The following HCFC1 variants were observed in gnomAD, a reference collection of about 807,000 sequenced individuals.
The protein encoded by HCFC1 is host cell factor 1.
HCFC1 carries 7 observed loss-of-function variants against 105.5 expected under a neutral mutation model. That is an observed-to-expected ratio of 0.07 (90% CI 0.04 to 0.12). The LOEUF is 0.12. Ranked by LOEUF, HCFC1 falls within the 10% of genes least tolerant of loss-of-function variation. The pLI, the probability that HCFC1 is intolerant of heterozygous loss-of-function variation, is 1.00. For missense variants in HCFC1, 1,065 were observed against 1,823.6 expected (o/e 0.58, Z 7.58); for synonymous variants, 918 against 828.1 (o/e 1.11, Z -1.86).
intron 24 of HCFC1, among the ~76,000 whole-genome samples, chrX:153,949,991 T>C (rs1384051278): frequency 9.0e-6 from 1 of 111,536 alleles, no homozygotes; most frequent in African/African-American, 3.3e-5. Flanking sequence ...CCTGGAAACC[T>C]ACACTTTCCC....
chrX:153,964,913 A>G (rs983913780), intron 1 of HCFC1, among the ~76,000 whole-genome samples, 187 bp from the exon 2 acceptor site: 2 of 112,220 alleles, frequency 1.8e-5, no homozygotes, highest in Non-Finnish European at 3.8e-5. Context: ...CCAGTGCAAA[A>G]GAGCCTGTGA....
At position 153,954,258 on chromosome X, in the gene HCFC1, T is replaced by C. The variant is rs1557113614; in HGVS notation, c.4141A>G (p.Thr1381Ala). The C allele has an allele frequency of 4.2e-6, 5 of 1,204,458 alleles. No individual in the cohort carries two copies. Among genetic ancestry groups the C allele is most frequent in the African/African-American group, 3.5e-5 (2 of 57,718 alleles). Residue 1381 changes from threonine (T) to alanine (A), a missense_variant, in exon 17 of 26, where the codon ACT (threonine) becomes GCT (alanine). This residue lies in a region of HCFC1 where 546 missense variants were observed against 599.9 expected (regional missense o/e 0.91). Transcript: ENST00000310441. ...VSVGALLPDA[T>A]SSHRTVESGL... ...GACTCCACGGTCCTGTGGGAAGAAGTGGCGTCGGGAAGCAGGGCACCCACG... is the reference window on the plus strand; with the variant it reads ...GACTCCACGGTCCTGTGGGAAGAAGCGGCGTCGGGAAGCAGGGCACCCACG...
Position 153,958,166 on chromosome X carries a change from G to A in HCFC1, c.1887C>T (p.Thr629=). The change falls in exon 11 of 26, where the codon ACC becomes ACT. Residue 629 remains threonine, a synonymous_variant. Coordinates refer to ENST00000310441, the MANE Select transcript of HCFC1 (RefSeq NM_005334.3). ...ACTTGTGCACTGTGATGATAGGGCG[G>A]GTAGACGTGTTGGTGGCGGAGGAAA... ...TSVSSATNTS[T]RPIITVHKSG... The A allele has an allele frequency of 4.1e-6, 5 of 1,211,833 alleles. No homozygotes were observed. In the South Asian group the frequency reaches 8.8e-5, roughly 21 times the overall value.
intron 1 of HCFC1, among the ~76,000 whole-genome samples, chrX:153,967,821 T>C (rs149005339): frequency 4.7e-4 from 53 of 111,625 alleles, no homozygotes; most frequent in African/African-American, 1.4e-3. Context: ...AAGAGTCTAG[T>C]AAGAGGAGAG....
Position 153,954,463 on chromosome X carries a change from G to A in HCFC1, c.3936C>T (p.Ser1312=), listed in dbSNP as rs375360942. The A allele has an allele frequency of 5.0e-6, 6 of 1,209,728 alleles. No individual in the cohort carries two copies. In the South Asian group the frequency reaches 5.3e-5, roughly 11 times the overall value. Residue 1312 remains serine (S), a synonymous_variant, in exon 17 of 26, where the codon AGC becomes AGT. Coordinates refer to ENST00000310441, the MANE Select transcript of HCFC1 (RefSeq NM_005334.3). ...TNTATTSNAG[S]AQRVCSNPPC... ...GCGGGTTGGAGCACACCCTCTGGGC[G>A]CTGCCTGCATTCGAGGTAGTGGCGG...
chrX:153,970,594 G>A (rs1013644737), intron 1 of HCFC1, 54 bp downstream of exon 1: 24 of 890,589 alleles, frequency 2.7e-5, no homozygotes, highest in East Asian at 1.0e-4. Flanking sequence ...AGGAGGGAGA[G>A]GGAGGAGATG....
chrX:153,968,480 G>A (rs1001600478), intron 1 of HCFC1, among the ~76,000 whole-genome samples: 7 of 112,082 alleles, frequency 6.2e-5, no homozygotes, highest in African/African-American at 2.3e-4. Context: ...GTGAGGAAGA[G>A]GGCTTCAGGT....
chrX:153,957,636 G>A, intron 12 of HCFC1, 103 bp from the exon 13 acceptor site: 1 of 792,494 alleles, frequency 1.3e-6, no homozygotes, highest in African/African-American at 2.0e-5. Context: ...GGAATGTTCT[G>A]GAGGCTGTGG....
chrX:153,951,392 C>T lies in HCFC1; in HGVS notation c.5475G>A (p.Val1825=). 8.3e-7 allele frequency: 1 copy of T among 1,211,302 alleles called. No individual in the cohort carries two copies. Among genetic ancestry groups the T allele is most frequent in the Non-Finnish European group, 1.1e-6 (1 of 895,074 alleles). Residue 1825 remains valine, a synonymous_variant, in exon 22 of 26, where the codon GTG becomes GTA. Transcript: ENST00000310441. The part of the protein sequence containing the change: ...VGVIKGTNVM[V]THYFLPPDDA... ...CATCTGGTGGCAGGAAATAGTGTGT[C>T]ACCATTACATTGGTGCCCTTAATGA...
At position 153,949,381 on chromosome X, in the gene HCFC1, G is replaced by C. The variant is rs1156301874; in HGVS notation, c.6074C>G (p.Ser2025Cys). 1 of 1,203,813 alleles carries C rather than the reference G, an allele frequency of 8.3e-7. No individual in the cohort carries two copies. The highest frequency in any genetic ancestry group is 3.0e-5 in the East Asian group (1 of 33,702). The change falls in exon 26 of 26, where the codon TCT becomes TGT. Residue 2025 changes from serine (S) to cysteine (C), a missense_variant. Around this residue, in one of 17 missense-constraint regions of HCFC1, gnomAD observed 18 missense variants for 28.8 expected, o/e 0.62. Transcript: ENST00000310441. ...ATCGGCCTTAGATTTCTTTGGAGCAGATTTCCTTGGAAGGCAGAAAAAGGA... is the reference window on the plus strand; with the variant it reads ...ATCGGCCTTAGATTTCTTTGGAGCACATTTCCTTGGAAGGCAGAAAAAGGA... Reference protein sequence around the residue: ...KRPMSSPEMKSAPKKSKADGQ With the variant: ...KRPMSSPEMKCAPKKSKADGQ
At position 153,951,640 on chromosome X, in the gene HCFC1, C is replaced by G. The variant is rs372299853; in HGVS notation, c.5328G>C (p.Gln1776His). ...CCACTTCGGTCAGGGTAGCTGCAGCCTGCAGCTTGGCTGGGCTGGCCACCA... is the reference window on the plus strand; with the variant it reads ...CCACTTCGGTCAGGGTAGCTGCAGCGTGCAGCTTGGCTGGGCTGGCCACCA... ...PVVVASPAKL[Q>H]AAATLTEVAN... Residue 1776 changes from glutamine (Q) to histidine (H), a missense_variant, in exon 21 of 26, where the codon CAG becomes CAC. Physicochemically the swap from Gln to His is conservative, Grantham distance 24. Coordinates refer to ENST00000310441, the MANE Select transcript of HCFC1 (RefSeq NM_005334.3). The G allele has an allele frequency of 6.6e-6, 8 of 1,209,988 alleles. No individual in the cohort carries two copies. The highest frequency in any genetic ancestry group is 8.9e-6 in the Non-Finnish European group (8 of 895,307).
intron 2 of HCFC1, 103 bp downstream of exon 2, chrX:153,964,475 T>C: frequency 1.0e-6 from 1 of 979,667 alleles, no homozygotes; most frequent in Non-Finnish European, 1.4e-6. Context: ...CTTGGCAGAC[T>C]CTCAAGCGTC....
intron 1 of HCFC1, among the ~76,000 whole-genome samples, chrX:153,969,030 A>C (rs1241921012): frequency 8.9e-6 from 1 of 112,043 alleles, no homozygotes; most frequent in Non-Finnish European, 1.9e-5. Context: ...TGGAACGAAA[A>C]ACGGTCACAG....
intron 9 of HCFC1, 120 bp downstream of exon 9, chrX:153,959,211 G>A (rs1163696118): frequency 2.6e-6 from 2 of 757,013 alleles, no homozygotes; most frequent in Non-Finnish European, 3.8e-6. Context: ...CGTCCCAGGA[G>A]GGAAAGGTGT....
chrX:153,962,007 C>CA (rs1186384267), intron 5 of HCFC1, among the ~76,000 whole-genome samples: 2 of 111,762 alleles, frequency 1.8e-5, no homozygotes, highest in East Asian at 5.6e-4. Flanking sequence ...GGGAGGGTCT[C>CA]AGACTCAGCT....
At chrX:153,957,227 C>T (rs1392152328) in intron 13 of HCFC1, 87 bp downstream of exon 13, 11 of 991,514 alleles carry the variant, frequency 1.1e-5, no homozygotes, top group Non-Finnish European at 1.4e-5. Context: ...GTAAACTAAA[C>T]AGAAACACAG....
chrX:153,954,192 C>T lies in HCFC1; in HGVS notation c.4207G>A (p.Ala1403Thr), dbSNP rs1805133783. The change falls in exon 17 of 26, where the codon GCT (alanine) becomes ACT (threonine). Residue 1403 changes from alanine to threonine, a missense_variant. Ala to Thr is a moderately conservative substitution (Grantham distance 58). This residue lies in a region of HCFC1 where 546 missense variants were observed against 599.9 expected (regional missense o/e 0.91). Coordinates refer to ENST00000310441, the MANE Select transcript of HCFC1 (RefSeq NM_005334.3). ...AAAGGAGCCAGCAGCGCGGTGCCAG[C>T]CTGGGGGGTGACGCTGGGTGCCGCC... Reference protein sequence around the residue: ...VAAAPSVTPQAGTALLAPFPT... With the variant: ...VAAAPSVTPQTGTALLAPFPT... 2 of 1,204,046 alleles carry T rather than the reference C, an allele frequency of 1.7e-6. No individual in the cohort carries two copies. Among genetic ancestry groups the T allele is most frequent in the Non-Finnish European group, 2.2e-6 (2 of 893,436 alleles).
At position 153,958,211 on chromosome X, in the gene HCFC1, G is replaced by A. The variant is rs782036588; in HGVS notation, c.1842C>T (p.Ala614=). 9.1e-6 allele frequency: 11 copies of A among 1,211,690 alleles called. No individual in the cohort carries two copies. The highest frequency in any genetic ancestry group is 3.5e-5 in the South Asian group (2 of 57,023). The change falls in exon 11 of 26, where the codon GCC becomes GCT. Residue 614 remains alanine, a synonymous_variant. Transcript: ENST00000310441. The part of the protein sequence containing the change: ...NPATRMLKTA[A]AQVGTSVSSA... ...AGGAAACCGATGTCCCCACCTGGGC[G>A]GCTGCAGTCTTCAGCATGCGAGTGG... is the stretch of plus-strand genomic sequence containing the variant.
In HCFC1 at chrX:153,956,197, G is replaced by A; in HGVS notation, c.2850C>T (p.Thr950=). 1 of 1,209,306 alleles carries A rather than the reference G, an allele frequency of 8.3e-7. No individual in the cohort carries two copies. Among genetic ancestry groups the A allele is most frequent in the African/African-American group, 1.7e-5 (1 of 57,943 alleles). Residue 950 remains threonine, a synonymous_variant, in exon 16 of 26, where the codon ACC becomes ACT. Transcript: ENST00000310441. ...AAGGLTTPTI[T]MQPVSQPTQV... is the part of the protein sequence containing the mutation. Reference sequence around the variant, plus strand: ...GCCTCAGGCCCTGCCCTACCTGCATGGTGATGGTTGGGGTTGTGAGCCCGC... The same window carrying A: ...GCCTCAGGCCCTGCCCTACCTGCATAGTGATGGTTGGGGTTGTGAGCCCGC...
Sources: gnomAD v4.1 joint callset for allele counts (sites outside exome capture counted in the v4.1 genomes callset) on GRCh38, gnomAD v4.1.1 for gene constraint, gnomAD v4.1.1 regional missense constraint, MANE v1.5 for transcripts, NCBI Gene and HGNC (gene_info 2026-07-23, HGNC 2026-07-21) for gene names.